DCC: variants seen among roughly 807,000 people sequenced by gnomAD.
The protein encoded by DCC is netrin receptor DCC.
A neutral mutation model predicts 172.5 loss-of-function variants in DCC; 58 were observed. The observed-to-expected ratio is 0.34, with a 90% confidence interval of 0.27 to 0.42. The LOEUF is 0.42. DCC is among the 10% of genes least tolerant of loss of function. The probability of loss-of-function intolerance (pLI) is 1.00; values close to 1 mark genes in which losing one functional copy is unlikely to be tolerated. For synonymous variants in DCC, 709 were observed against 644.5 expected (o/e 1.10, Z -1.52); for missense variants, 1,740 against 1,791.0 (o/e 0.97, Z 0.51).
At chr18:53,500,234 CAGA>C (rs1287089465) in intron 27 of DCC, among the ~76,000 whole-genome samples, 1 of 151,338 alleles carries the variant, frequency 6.6e-6, no homozygotes, top group Non-Finnish European at 1.5e-5. Flanking sequence ...GAGGCAGAGA[CAGA>C]AGAAGGAGGA....
chr18:53,387,320 T>G (rs1186105920), intron 16 of DCC, among the ~76,000 whole-genome samples: 1 of 152,206 alleles, frequency 6.6e-6, no homozygotes, highest in Admixed American at 6.6e-5. Flanking sequence ...GTCACTATAT[T>G]GATTTTAGTA....
intron 8 of DCC, among the ~76,000 whole-genome samples, chr18:53,171,538 TATTA>T (rs1269223935): frequency 6.6e-6 from 1 of 152,240 alleles, no homozygotes; most frequent in Non-Finnish European, 1.5e-5. Flanking sequence ...TTTTATGAAT[TATTA>T]ATTTTGGATA....
In DCC at chr18:53,136,155, A is replaced by G. The variant is rs570361352; in HGVS notation, c.1262-21201A>G. Among the ~76,000 whole-genome samples, 14 of 151,674 alleles carry G rather than the reference A, an allele frequency of 9.2e-5. No individual in the cohort carries two copies. In the East Asian group the frequency reaches 2.7e-3, roughly 29 times the overall value. On this transcript the variant is annotated intron_variant, in intron 7 of 28. Coordinates refer to ENST00000442544, the MANE Select transcript of DCC (RefSeq NM_005215.4). ...ATTGGATGTGTGTGTGTATGTGTGT[A>G]TGTATTATATGGGTATATTCTTTAT...
chr18:52,596,503 G>C (rs990950243), intron 1 of DCC, among the ~76,000 whole-genome samples: 1 of 152,062 alleles, frequency 6.6e-6, no homozygotes, highest in Non-Finnish European at 1.5e-5. Context: ...AAATTTTAGG[G>C]CCCCACCCCA....
chr18:52,716,919 A>G (rs2036393107), intron 1 of DCC, among the ~76,000 whole-genome samples: 1 of 152,180 alleles, frequency 6.6e-6, no homozygotes, highest in Admixed American at 6.5e-5. Context: ...AGGGAAGAGG[A>G]TGGGCTCACA....
intron 12 of DCC, among the ~76,000 whole-genome samples, chr18:53,281,037 G>T (rs947171324): frequency 6.6e-6 from 1 of 152,070 alleles, no homozygotes; most frequent in Non-Finnish European, 1.5e-5. Context: ...AAAATGTTAT[G>T]AATTCTTTTG....
intron 3 of DCC, among the ~76,000 whole-genome samples, chr18:52,919,571 C>G (rs1489210284): frequency 6.6e-6 from 1 of 151,430 alleles, no homozygotes; most frequent in Admixed American, 6.6e-5. Flanking sequence ...TGAAATGAGC[C>G]AAGTCAAGAT....
At chr18:52,498,350 A>G (rs184402004) in intron 1 of DCC, among the ~76,000 whole-genome samples, 109 of 152,264 alleles carry the variant, frequency 7.2e-4, no homozygotes, top group Non-Finnish European at 8.2e-4. Flanking sequence ...CTGGCCAGGC[A>G]CAGTGGCTCA....
At chr18:52,614,946 C>A (rs1247175628) in intron 1 of DCC, among the ~76,000 whole-genome samples, 2 of 152,148 alleles carry the variant, frequency 1.3e-5, no homozygotes, top group East Asian at 1.9e-4. Flanking sequence ...TCCCTCTCCC[C>A]CTTTTCACTC....
chr18:52,348,364 G>C lies in DCC; in HGVS notation c.91+7486G>C, dbSNP rs531541109. Among the ~76,000 whole-genome samples the C allele has an allele frequency of 4.6e-5, 7 of 152,298 alleles. No individual in the cohort carries two copies. In the South Asian group the frequency reaches 1.2e-3, roughly 27 times the overall value. ...GGAGTGGAATTGCTGAGTCATAGAA[G>C]GGTATCTTTTCATCCGGGAGGCAAA... On this transcript the variant is annotated intron_variant, in intron 1 of 28. Coordinates refer to ENST00000442544, the MANE Select transcript of DCC (RefSeq NM_005215.4).
intron 23 of DCC, among the ~76,000 whole-genome samples, chr18:53,454,355 AAAG>A (rs1312249863): frequency 6.6e-6 from 1 of 152,226 alleles, no homozygotes; most frequent in Non-Finnish European, 1.5e-5. Flanking sequence ...AAAGAGAAAA[AAAG>A]AAACAAAACT....
intron 2 of DCC, among the ~76,000 whole-genome samples, chr18:52,885,710 GC>G (rs1197810068): frequency 6.6e-6 from 1 of 152,022 alleles, no homozygotes. Context: ...TTTTCCCTCT[GC>G]TTTCCTCAAA....
chr18:53,205,407 T>C, intron 10 of DCC, 43 bp downstream of exon 10: 1 of 1,591,988 alleles, frequency 6.3e-7, no homozygotes, highest in Non-Finnish European at 8.6e-7. Flanking sequence ...CTGTTGGATG[T>C]TTCCATCCAT....
At chr18:53,519,076 TC>T (rs1403085093) in intron 27 of DCC, among the ~76,000 whole-genome samples, 1 of 152,142 alleles carries the variant, frequency 6.6e-6, no homozygotes, top group Non-Finnish European at 1.5e-5. Flanking sequence ...AACTAATTCT[TC>T]CTAAGTCTTA....
rs1217760519 is a variant in DCC at position 53,344,426 on chromosome 18, T to A, written c.2359+4519T>A. On this transcript the variant is annotated intron_variant, in intron 15 of 28. Transcript: ENST00000442544. ...CTTGTTATTATTGGTTTTCTTTTCT[T>A]TCTTTTCGTTTTTCTTTTTTTTTTT... 2.7e-5 allele frequency among the ~76,000 whole-genome samples: 4 copies of A among 148,602 alleles called. No individual in the cohort carries two copies. In the East Asian group the frequency reaches 8.2e-4, roughly 30 times the overall value.
At chr18:52,630,699 G>C (rs542775347) in intron 1 of DCC, among the ~76,000 whole-genome samples, 1 of 151,788 alleles carries the variant, frequency 6.6e-6, no homozygotes, top group Non-Finnish European at 1.5e-5. Context: ...CACCTGCTTA[G>C]TTAATTCTTA....
At chr18:52,671,967 A>C (rs2144971504) in intron 1 of DCC, among the ~76,000 whole-genome samples, 1 of 152,298 alleles carries the variant, frequency 6.6e-6, no homozygotes, top group East Asian at 1.9e-4. Flanking sequence ...CTTCTGTTGA[A>C]GTGTAAGCTT....
intron 1 of DCC, among the ~76,000 whole-genome samples, chr18:52,375,357 A>T (rs758292678): frequency 6.6e-6 from 1 of 152,222 alleles, no homozygotes; most frequent in Non-Finnish European, 1.5e-5. Flanking sequence ...CAAGGTTAAA[A>T]GAATTAACAA....
At chr18:53,428,841 ATATATAATAAATTATATATTATATATTTT>A (rs1911334854) in intron 21 of DCC, among the ~76,000 whole-genome samples, 1 of 31,554 alleles carries the variant, frequency 3.2e-5, no homozygotes, top group East Asian at 1.3e-3. Context: ...TATATATTTT[ATATATAATAAATTATATATTATATATTTT>A]ATATATAATA....
Sources: allele counts gnomAD v4.1 joint callset (sites outside exome capture counted in the v4.1 genomes callset), GRCh38; gene constraint gnomAD v4.1.1; transcripts MANE v1.5; gene names NCBI Gene and HGNC (gene_info 2026-07-23, HGNC 2026-07-21).